ANKRD6: variants seen among roughly 807,000 people sequenced by gnomAD.
The protein encoded by ANKRD6 is ankyrin repeat domain-containing protein 6.
Under a neutral mutation model 82.3 loss-of-function variants are expected in ANKRD6, and 56 were observed. The observed-to-expected ratio is 0.68, with a 90% CI of 0.55 to 0.85. The LOEUF is 0.85. Ranked by LOEUF, ANKRD6 falls within the 40% of genes least tolerant of loss-of-function variation. The probability of loss-of-function intolerance (pLI) is 0.00; values close to 1 mark genes in which losing one functional copy is unlikely to be tolerated. For synonymous variants in ANKRD6, 347 were observed against 352.1 expected (o/e 0.99, Z 0.16); for missense variants, 852 against 907.6 (o/e 0.94, Z 0.79).
intron 2 of ANKRD6, among the ~76,000 whole-genome samples, chr6:89,576,854 C>A (rs1259456880): frequency 5.9e-5 from 9 of 152,192 alleles, no homozygotes. Context: ...CAGCTCAAGG[C>A]TGGTTACCAT....
chr6:89,616,408 A>G (rs1801595300), intron 7 of ANKRD6, 151 bp from the exon 8 acceptor site: 1 of 641,892 alleles, frequency 1.6e-6, no homozygotes, highest in African/African-American at 1.8e-5. Flanking sequence ...CTTTAAGTAG[A>G]GCCTCATAAC....
chr6:89,585,747 A>G (rs893449635), intron 2 of ANKRD6, among the ~76,000 whole-genome samples: 7 of 152,228 alleles, frequency 4.6e-5, no homozygotes, highest in African/African-American at 1.4e-4. Flanking sequence ...TGTCTCTAAA[A>G]AAATACAAAA....
chr6:89,562,589 C>T (rs1035129699), intron 1 of ANKRD6: 1 of 152,210 alleles, frequency 6.6e-6, no homozygotes, highest in Non-Finnish European at 1.5e-5. Context: ...TGTTACAGGT[C>T]CTCTGCTGGC....
chr6:89,501,754 C>T (rs915953457), intron 1 of ANKRD6, among the ~76,000 whole-genome samples: 7 of 151,988 alleles, frequency 4.6e-5, no homozygotes, highest in Non-Finnish European at 1.0e-4. Flanking sequence ...GTGTTTTGTG[C>T]TTGTGTGATG....
Position 89,630,949 on chromosome 6 carries a change from A to G in ANKRD6, c.2129A>G (p.Lys710Arg). 6.3e-7 allele frequency: 1 copy of G among 1,599,308 alleles called. No individual in the cohort carries two copies. The highest frequency in any genetic ancestry group is 8.5e-7 in the Non-Finnish European group (1 of 1,173,012). Residue 710 changes from lysine (K) to arginine (R), a missense_variant, in exon 16 of 16, where the codon AAA (lysine) becomes AGA (arginine). By Grantham distance (26) the Lys-to-Arg change is conservative. Coordinates refer to ENST00000339746, the MANE Select transcript of ANKRD6 (RefSeq NM_001242809.2). ...AAGGCTACATTGAAGGAACACATTA[A>G]AAGTTTAGAAGAGGAACTTGCCAAA... is the stretch of plus-strand genomic sequence containing the variant. ...QDKATLKEHIKSLEEELAKLR... is the reference protein window; with the variant it reads ...QDKATLKEHIRSLEEELAKLR...
chr6:89,568,321 G>A (rs1312578884), intron 2 of ANKRD6: 1 of 152,228 alleles, frequency 6.6e-6, no homozygotes, highest in Non-Finnish European at 1.5e-5. Flanking sequence ...ATCTGTAAAA[G>A]AGGGATAGTA....
At chr6:89,612,230 C>T in intron 5 of ANKRD6, 42 bp from the exon 6 acceptor site, 2 of 1,523,944 alleles carry the variant, frequency 1.3e-6, no homozygotes, top group Non-Finnish European at 1.8e-6. Context: ...TGTGCGGAAG[C>T]ATGTTGCTAA....
intron 1 of ANKRD6, among the ~76,000 whole-genome samples, chr6:89,491,484 TG>T (rs1333536302): frequency 6.6e-6 from 1 of 152,150 alleles, no homozygotes; most frequent in Non-Finnish European, 1.5e-5. Flanking sequence ...TCCTCTCCTT[TG>T]TAGGGACATG....
In ANKRD6 at chr6:89,632,671, C is replaced by CT. The variant is rs1807640748; in HGVS notation, c.*1669dup. ...GATTTTCATGTGTTTGGGAGCTTGT[C>CT]TTGTTCTCAACTACTACGCAGGTAG... On this transcript the variant is annotated 3_prime_UTR_variant, in exon 16 of 16. Coordinates refer to ENST00000339746, the MANE Select transcript of ANKRD6 (RefSeq NM_001242809.2). 2.0e-5 allele frequency: 3 copies of CT among 152,172 alleles called. No individual in the cohort carries two copies. The allele number at this position is 152,172 out of a possible 1,614,324, so 9.4% of individuals were successfully genotyped here. A position where few individuals can be genotyped will look rare whatever the true frequency, so the allele number is the denominator to read the frequency against.
At chr6:89,450,575 C>T (rs1300034994) in intron 1 of ANKRD6, among the ~76,000 whole-genome samples, 1 of 152,112 alleles carries the variant, frequency 6.6e-6, no homozygotes, top group Non-Finnish European at 1.5e-5. Flanking sequence ...CTGGAGGCAG[C>T]AGTGTGATCA....
chr6:89,517,407 TA>T (rs1161106608), intron 1 of ANKRD6, among the ~76,000 whole-genome samples: 4 of 152,234 alleles, frequency 2.6e-5, no homozygotes, highest in African/African-American at 9.6e-5. Flanking sequence ...AAAAGGCACA[TA>T]ATAGAATAAA....
chr6:89,536,049 G>A (rs1432373653), intron 1 of ANKRD6, among the ~76,000 whole-genome samples: 2 of 152,200 alleles, frequency 1.3e-5, no homozygotes, highest in African/African-American at 2.4e-5. Flanking sequence ...CACCAACATG[G>A]TGGAAACACC....
At chr6:89,545,212 C>CA (rs754348482) in intron 1 of ANKRD6, among the ~76,000 whole-genome samples, 24,306 of 85,822 alleles carry the variant, frequency 0.28, 2,797 homozygotes, top group South Asian at 0.36. Flanking sequence ...GACTCCATCT[C>CA]AAAAAAAAAA....
At chr6:89,457,038 G>A (rs1773584366) in intron 1 of ANKRD6, among the ~76,000 whole-genome samples, 1 of 152,170 alleles carries the variant, frequency 6.6e-6, no homozygotes, top group African/African-American at 2.4e-5. Context: ...GACTGGGGTG[G>A]GATGGTTCCC....
At chr6:89,576,142 T>C (rs984224806) in intron 2 of ANKRD6, among the ~76,000 whole-genome samples, 2 of 152,000 alleles carry the variant, frequency 1.3e-5, no homozygotes, top group Admixed American at 6.6e-5. Flanking sequence ...AGCTCTGCCT[T>C]CTGGGTTCAC....
chr6:89,551,524 A>G (rs1045323856), intron 1 of ANKRD6, among the ~76,000 whole-genome samples: 3 of 152,208 alleles, frequency 2.0e-5, no homozygotes, highest in Non-Finnish European at 2.9e-5. Context: ...GATTTTCCCT[A>G]CAAAGGACTC....
At chr6:89,557,411 C>T (rs1165628039) in intron 1 of ANKRD6, among the ~76,000 whole-genome samples, 3 of 152,040 alleles carry the variant, frequency 2.0e-5, no homozygotes, top group African/African-American at 7.2e-5. Flanking sequence ...AGAAAGGAAT[C>T]GTCCAAGGGA....
At chr6:89,536,399 G>A (rs1049528606) in intron 1 of ANKRD6, among the ~76,000 whole-genome samples, 2 of 152,164 alleles carry the variant, frequency 1.3e-5, no homozygotes, top group African/African-American at 2.4e-5. Flanking sequence ...TCAGTAAAGC[G>A]GCATGAAAGC....
intron 1 of ANKRD6, among the ~76,000 whole-genome samples, chr6:89,486,816 A>G (rs1777434009): frequency 6.6e-6 from 1 of 152,108 alleles, no homozygotes; most frequent in African/African-American, 2.4e-5. Flanking sequence ...TCACATTTGT[A>G]GAGCAGAGAG....
Sources: allele counts gnomAD v4.1 joint callset (sites outside exome capture counted in the v4.1 genomes callset), GRCh38; gene constraint gnomAD v4.1.1; transcripts MANE v1.5; gene names NCBI Gene and HGNC (gene_info 2026-07-23, HGNC 2026-07-21).